CDKL5: variants seen among roughly 807,000 people sequenced by gnomAD.
The protein encoded by CDKL5 is cyclin dependent kinase like 5.
In CDKL5, 8 loss-of-function variants were observed where a neutral mutation model predicts 61.7. The observed-to-expected ratio is 0.13, with a 90% confidence interval of 0.08 to 0.23. The LOEUF (loss-of-function observed/expected upper bound fraction) is 0.23, where lower values mean the gene tolerates loss of function less well. Among genes scored for constraint, CDKL5 ranks in the 10% least tolerant of loss-of-function variants. CDKL5 has a pLI of 1.00. For missense variants in CDKL5, 440 were observed against 734.5 expected (o/e 0.60, Z 4.63); for synonymous variants, 275 against 272.3 (o/e 1.01, Z -0.10).
At chrX:18,466,012 A>T (rs1932393500) in intron 1 of CDKL5, among the ~76,000 whole-genome samples, 1 of 111,599 alleles carries the variant, frequency 9.0e-6, no homozygotes, top group East Asian at 2.8e-4. Context: ...TAACTTTTGT[A>T]TCCCTCAGCT....
chrX:18,484,499 G>A (rs985489252), intron 1 of CDKL5, among the ~76,000 whole-genome samples: 15 of 109,595 alleles, frequency 1.4e-4, no homozygotes, highest in Non-Finnish European at 2.5e-4. Flanking sequence ...TGTATTTTTA[G>A]TAGAGATGGG....
At chrX:18,554,797 G>C (rs889150394) in intron 3 of CDKL5, among the ~76,000 whole-genome samples, 7 of 111,745 alleles carry the variant, frequency 6.3e-5, no homozygotes, top group Non-Finnish European at 9.4e-5. Flanking sequence ...AATGAGTGTA[G>C]ACATTTTAGT....
intron 2 of CDKL5, among the ~76,000 whole-genome samples, chrX:18,507,836 A>C (rs1302606770): frequency 9.0e-6 from 1 of 111,699 alleles, no homozygotes; most frequent in East Asian, 2.8e-4. Context: ...AAAATGGGAG[A>C]CTATGTTTTG....
At position 18,653,421 on chromosome X, in the gene CDKL5, G is replaced by C. The variant is rs1224129292; in HGVS notation, c.2981-11G>C. On this transcript the variant is annotated splice_polypyrimidine_tract_variant and intron_variant, in intron 21 of 21. Transcript: ENST00000379989. ...CTCTGAGTGACCCCGCTGTCCTTCTGTGCTTTCCAGGGTTCTCTTTCTTCG... is the reference window on the plus strand; with the variant it reads ...CTCTGAGTGACCCCGCTGTCCTTCTCTGCTTTCCAGGGTTCTCTTTCTTCG... The C allele has an allele frequency of 1.7e-6, 2 of 1,208,482 alleles. No homozygotes were observed. The highest frequency in any genetic ancestry group is 3.5e-5 in the African/African-American group (2 of 57,142).
At chrX:18,456,343 A>C (rs911199164) in intron 1 of CDKL5, among the ~76,000 whole-genome samples, 8 of 111,736 alleles carry the variant, frequency 7.2e-5, no homozygotes, top group Non-Finnish European at 1.3e-4. Context: ...CGCCCGTCAC[A>C]ACCCAACCTT....
chrX:18,518,386 T>C lies in CDKL5; in HGVS notation c.99+7532T>C, dbSNP rs369398210. Among the ~76,000 whole-genome samples the C allele has an allele frequency of 5.7e-3, 452 of 79,128 alleles. 11 individuals carry two copies. Among genetic ancestry groups the C allele is most frequent in the African/African-American group, 0.025 (427 of 17,341 alleles). The allele number at this position is 79,128 out of a possible 115,157, so 68.7% of individuals were successfully genotyped here. On this transcript the variant is annotated intron_variant, in intron 3 of 17. Coordinates refer to ENST00000623535, the MANE Select transcript of CDKL5 (RefSeq NM_001323289.2). ...TAAAGTCATGTTTTCTTTTCTTTTC[T>C]TATTTTTTTTTTTTTTTTTTTTTTT...
intron 5 of CDKL5, among the ~76,000 whole-genome samples, chrX:18,578,809 T>C: frequency 8.9e-6 from 1 of 112,056 alleles, no homozygotes; most frequent in Middle Eastern, 4.6e-3. Context: ...AAAAGACATG[T>C]ACTCAAGAAT....
chrX:18,551,950 TA>T (rs1256554756), intron 3 of CDKL5, among the ~76,000 whole-genome samples: 3 of 108,543 alleles, frequency 2.8e-5, no homozygotes, highest in Non-Finnish European at 5.7e-5. Context: ...AATCTGTCCT[TA>T]AAAAAACCGA....
intron 4 of CDKL5, among the ~76,000 whole-genome samples, chrX:18,567,395 G>A (rs1477789890): frequency 1.8e-5 from 2 of 111,802 alleles, no homozygotes; most frequent in South Asian, 7.5e-4. Context: ...TGATATTATG[G>A]CAGTGATTAT....
intron 20 of CDKL5, chrX:18,647,386 C>G: frequency 8.6e-7 from 1 of 1,166,959 alleles, no homozygotes; most frequent in Non-Finnish European, 1.2e-6. Flanking sequence ...TCAACAAGCA[C>G]CAGGTGACTG....
At chrX:18,490,996 C>T (rs956920510) in intron 1 of CDKL5, among the ~76,000 whole-genome samples, 1 of 111,998 alleles carries the variant, frequency 8.9e-6, no homozygotes, top group Non-Finnish European at 1.9e-5. Flanking sequence ...TGTTTTTTCC[C>T]TTTGACATAA....
intron 3 of CDKL5, among the ~76,000 whole-genome samples, chrX:18,529,802 G>A (rs1923576388): frequency 9.1e-6 from 1 of 110,442 alleles, no homozygotes; most frequent in Non-Finnish European, 1.9e-5. Context: ...TTAGTTTTGT[G>A]TAGTTTGAAT....
chrX:18,427,385 G>A (rs1334577097), intron 1 of CDKL5, among the ~76,000 whole-genome samples: 1 of 109,513 alleles, frequency 9.1e-6, no homozygotes, highest in Non-Finnish European at 1.9e-5. Flanking sequence ...AGCTAATGCT[G>A]CCAGCACTGT....
intron 3 of CDKL5, among the ~76,000 whole-genome samples, chrX:18,549,621 T>G (rs182489548): frequency 3.7e-4 from 41 of 111,737 alleles, no homozygotes; most frequent in Middle Eastern, 4.6e-3. Flanking sequence ...GGTAAATTCC[T>G]TGAGTATTAA....
intron 10 of CDKL5, among the ~76,000 whole-genome samples, chrX:18,597,591 A>ATTTTTTT (rs58993237): frequency 6.9e-5 from 5 of 72,816 alleles, no homozygotes; most frequent in Admixed American, 1.8e-4. Flanking sequence ...CTACAGAATG[A>ATTTTTTT]TTTTTTTTTT....
In CDKL5 at chrX:18,584,662, C is replaced by T. The variant is rs1353150572; in HGVS notation, c.554+309C>T. On this transcript the variant is annotated intron_variant, in intron 8 of 17. Transcript: ENST00000623535. ...TCTGGGAGCTGGTTAGTTTAGGGGT[C>T]TCAGCTGGATCAGACCATCTCTGAT... Among the ~76,000 whole-genome samples, 4 of 111,265 alleles carry T rather than the reference C, an allele frequency of 3.6e-5. No homozygotes were observed. The Admixed American group carries it at 3.8e-4, about 11-fold the overall frequency.
chrX:18,431,616 C>T (rs892496526), intron 1 of CDKL5, among the ~76,000 whole-genome samples: 5 of 106,535 alleles, frequency 4.7e-5, no homozygotes, highest in Non-Finnish European at 9.7e-5. Flanking sequence ...TTAGTAGAGA[C>T]GGGTTTCACC....
intron 3 of CDKL5, among the ~76,000 whole-genome samples, chrX:18,526,539 C>T (rs940883997): frequency 9.0e-5 from 10 of 111,344 alleles, no homozygotes; most frequent in African/African-American, 2.9e-4. Flanking sequence ...AAGGGGAAGG[C>T]GTGCAGTTTC....
At chrX:18,473,432 A>G (rs1043246129) in intron 1 of CDKL5, among the ~76,000 whole-genome samples, 8 of 110,619 alleles carry the variant, frequency 7.2e-5, no homozygotes, top group Non-Finnish European at 1.3e-4. Context: ...CTCGTCACCC[A>G]GGTAAACACT....
Sources: gnomAD v4.1 joint callset for allele counts (sites outside exome capture counted in the v4.1 genomes callset) on GRCh38, gnomAD v4.1.1 for gene constraint, MANE v1.5 for transcripts, NCBI Gene and HGNC (gene_info 2026-07-23, HGNC 2026-07-21) for gene names.